The following SMARCA2 variants were observed in gnomAD, a reference collection of about 807,000 sequenced individuals.
SMARCA2 encodes the protein SWI/SNF-related matrix-associated actin-dependent regulator of chromatin subfamily A member 2.
A neutral mutation model predicts 199.8 loss-of-function variants in SMARCA2; 61 were observed. That is an observed-to-expected ratio of 0.31 (90% CI 0.25 to 0.38). SMARCA2 has a LOEUF of 0.38. Ranked by LOEUF, SMARCA2 falls within the 10% of genes least tolerant of loss-of-function variation. The pLI is 1.00. For missense variants in SMARCA2, 1,344 were observed against 2,012.2 expected, an observed-to-expected ratio of 0.67 and a Z score of 6.35; for synonymous variants, 935 against 732.0, an observed-to-expected ratio of 1.28 and a Z score of -4.48.
At chr9:2,041,268 G>A (rs1412063659) in intron 4 of SMARCA2, 1 of 398,330 alleles carries the variant, frequency 2.5e-6, no homozygotes, top group South Asian at 1.3e-4. Context: ...TAGTAAGTCT[G>A]AGCTGCTGTA....
At chr9:2,101,779 T>G (rs1215638552) in intron 22 of SMARCA2, among the ~76,000 whole-genome samples, 163 bp downstream of exon 22, 1 of 152,224 alleles carries the variant, frequency 6.6e-6, no homozygotes. Flanking sequence ...CTCTTTTACT[T>G]TACTGGCATA....
At chr9:2,145,576 T>C (rs953008578) in intron 27 of SMARCA2, among the ~76,000 whole-genome samples, 1 of 152,126 alleles carries the variant, frequency 6.6e-6, no homozygotes, top group African/African-American at 2.4e-5. Flanking sequence ...ATGGGTGAAG[T>C]AGGGAAGATG....
At position 2,164,824 on chromosome 9, in the gene SMARCA2, GGTAA is replaced by G. The variant is rs747692634; in HGVS notation, c.4199+2923_4199+2926del. Among the ~76,000 whole-genome samples the G allele has an allele frequency of 1.8e-4, 27 of 152,258 alleles. 1 individual carries two copies. The highest frequency in any genetic ancestry group is 3.4e-4 in the Non-Finnish European group (23 of 68,010). On this transcript the variant is annotated intron_variant, in intron 28 of 33. Coordinates refer to ENST00000349721, the MANE Select transcript of SMARCA2 (RefSeq NM_003070.5). ...CTTACTTTTCCTTAAAAAGTGTCCT[GGTAA>G]GACACATTCTATTAGCTCCCACATT...
intron 5 of SMARCA2, among the ~76,000 whole-genome samples, chr9:2,049,163 T>A (rs1213900837): frequency 6.6e-6 from 1 of 152,246 alleles, no homozygotes; most frequent in Non-Finnish European, 1.5e-5. Context: ...TAGAAATTTT[T>A]ACATATGTCT....
intron 19 of SMARCA2, among the ~76,000 whole-genome samples, chr9:2,094,291 G>C (rs953069877): frequency 2.0e-5 from 3 of 152,278 alleles, no homozygotes; most frequent in Admixed American, 1.3e-4. Flanking sequence ...GCAGCCATCA[G>C]GTCCTTGAGA....
chr9:2,106,237 G>C (rs7860079), intron 23 of SMARCA2, among the ~76,000 whole-genome samples: 130,474 of 152,268 alleles, frequency 0.86, 56,325 homozygotes, highest in African/African-American at 0.96. Context: ...CAAATTAGCT[G>C]AGTTTTAGCA....
intron 28 of SMARCA2, among the ~76,000 whole-genome samples, chr9:2,166,745 A>G (rs1007961903): frequency 6.6e-6 from 1 of 152,234 alleles, no homozygotes; most frequent in African/African-American, 2.4e-5. Flanking sequence ...GTTGACATGA[A>G]TATATTAACC....
intron 2 of SMARCA2, among the ~76,000 whole-genome samples, chr9:2,030,370 T>C (rs1819008559): frequency 6.6e-6 from 1 of 151,798 alleles, no homozygotes; most frequent in Non-Finnish European, 1.5e-5. Flanking sequence ...GGAGAACTGA[T>C]GATGTGAGTT....
intron 9 of SMARCA2, among the ~76,000 whole-genome samples, chr9:2,063,881 A>T (rs1417082906): frequency 6.6e-6 from 1 of 152,078 alleles, no homozygotes; most frequent in Non-Finnish European, 1.5e-5. Flanking sequence ...ATCATTACAG[A>T]CATTTTTAGG....
chr9:2,108,834 G>C (rs1822868411), intron 23 of SMARCA2, among the ~76,000 whole-genome samples: 1 of 152,160 alleles, frequency 6.6e-6, no homozygotes, highest in African/African-American at 2.4e-5. Context: ...CATGTTTAGT[G>C]CTCCTCCTCC....
chr9:2,095,912 A>G (rs1822255376), intron 19 of SMARCA2, among the ~76,000 whole-genome samples: 2 of 152,246 alleles, frequency 1.3e-5, no homozygotes. Flanking sequence ...GGTAGGAAAT[A>G]AGGCAGATTT....
At chr9:2,084,841 C>A (rs562084642) in intron 17 of SMARCA2, among the ~76,000 whole-genome samples, 154 of 152,272 alleles carry the variant, frequency 1.0e-3, no homozygotes, top group African/African-American at 3.6e-3. Context: ...TGTTCCTTAG[C>A]CACAAAGTAG....
intron 1 of SMARCA2, among the ~76,000 whole-genome samples, chr9:2,015,679 C>G (rs550631875): frequency 6.6e-6 from 1 of 152,292 alleles, no homozygotes; most frequent in Admixed American, 6.5e-5. Context: ...AAGTTTCAAC[C>G]GAACCTTGCT....
chr9:2,138,705 C>G (rs1824323871), intron 27 of SMARCA2, among the ~76,000 whole-genome samples: 1 of 152,168 alleles, frequency 6.6e-6, no homozygotes, highest in East Asian at 1.9e-4. Context: ...CTTTACGTCT[C>G]AGAGCTTCAG....
chr9:2,071,757 A>G (rs2130419881), intron 10 of SMARCA2, among the ~76,000 whole-genome samples: 1 of 152,350 alleles, frequency 6.6e-6, no homozygotes, highest in East Asian at 1.9e-4. Context: ...TTAGCACGAA[A>G]ACAAGCTGTA....
At chr9:2,141,425 T>G (rs1002641635) in intron 27 of SMARCA2, among the ~76,000 whole-genome samples, 1 of 152,226 alleles carries the variant, frequency 6.6e-6, no homozygotes, top group Non-Finnish European at 1.5e-5. Context: ...TTCTTTCATA[T>G]ATTGAAGATG....
intron 5 of SMARCA2, among the ~76,000 whole-genome samples, chr9:2,051,968 T>A (rs1422500568): frequency 6.6e-6 from 1 of 152,230 alleles, no homozygotes; most frequent in Non-Finnish European, 1.5e-5. Context: ...ATGAAGTAGA[T>A]GTCTGTTTCA....
chr9:2,042,257 A>T (rs1417192159), intron 4 of SMARCA2: 2 of 152,206 alleles, frequency 1.3e-5, no homozygotes, highest in Non-Finnish European at 2.9e-5. Context: ...CCAGCTGGTA[A>T]CTACCAGCTA....
chr9:2,169,875 T>C lies in SMARCA2; in HGVS notation c.4200-544T>C, dbSNP rs1358137978. On this transcript the variant is annotated intron_variant, in intron 28 of 33. Transcript: ENST00000349721. This position sits in a 1 kb window ranked among gnomAD's most constrained non-coding sequence, Gnocchi z 6.5. ...TAAAGATCATGAATTCAGTGATCTC[T>C]CGAAAAGGAATAGAGCTCTTGGAAG... Among the ~76,000 whole-genome samples, 1 of 152,170 alleles carries C rather than the reference T, an allele frequency of 6.6e-6. No individual in the cohort carries two copies. Among genetic ancestry groups the C allele is most frequent in the Non-Finnish European group, 1.5e-5 (1 of 68,016 alleles).
Sources: allele counts gnomAD v4.1 joint callset (sites outside exome capture counted in the v4.1 genomes callset), GRCh38; gene constraint gnomAD v4.1.1; non-coding constraint Gnocchi (gnomAD v3.1); transcripts MANE v1.5; gene names NCBI Gene and HGNC (gene_info 2026-07-23, HGNC 2026-07-21).